Variants in DPEP2 observed in about 807,000 individuals in gnomAD.
The protein encoded by DPEP2 is dipeptidase 2.
A neutral mutation model predicts 51.8 loss-of-function variants in DPEP2; 45 were observed. The ratio of observed to expected loss-of-function variants is 0.87; its 90% confidence interval spans 0.68 to 1.11. DPEP2 has a LOEUF of 1.11. Among genes scored for constraint, DPEP2 ranks in the 50% most tolerant of loss-of-function variants. The probability of loss-of-function intolerance (pLI) is 0.00; values close to 1 mark genes in which losing one functional copy is unlikely to be tolerated. For synonymous variants in DPEP2, 255 were observed against 262.7 expected, an observed-to-expected ratio of 0.97 and a Z score of 0.28; for missense variants, 604 against 631.9, an observed-to-expected ratio of 0.96 and a Z score of 0.47.
chr16:67,987,814 C>G (rs745737723), intron 10 of DPEP2, 38 bp downstream of exon 10: 2 of 1,614,028 alleles, frequency 1.2e-6, no homozygotes, highest in Non-Finnish European at 1.7e-6. Flanking sequence ...TACACTTGCT[C>G]AGACCCCTCG....
intron 1 of DPEP2, among the ~76,000 whole-genome samples, chr16:67,997,769 G>A (rs947767496): frequency 6.6e-6 from 1 of 152,206 alleles, no homozygotes; most frequent in Non-Finnish European, 1.5e-5. Context: ...AGAAGCAGTG[G>A]GAACAGGAAG....
At chr16:67,998,275 G>A (rs2032815850) in intron 1 of DPEP2, among the ~76,000 whole-genome samples, 1 of 150,886 alleles carries the variant, frequency 6.6e-6, no homozygotes, top group South Asian at 2.1e-4. Context: ...TGGAGTTTCG[G>A]GTGGGCGTGG....
At chr16:67,990,508 G>A (rs2031993286) in intron 7 of DPEP2, among the ~76,000 whole-genome samples, 1 of 152,140 alleles carries the variant, frequency 6.6e-6, no homozygotes, top group South Asian at 2.1e-4. Flanking sequence ...CTGTCACCCA[G>A]GCTGGAGTGC....
intron 1 of DPEP2, among the ~76,000 whole-genome samples, chr16:67,997,862 G>C (rs1567455423): frequency 3.9e-5 from 6 of 152,294 alleles, no homozygotes; most frequent in Admixed American, 2.6e-4. Flanking sequence ...ACAGTAAGGA[G>C]GAATCAGCGG....
In DPEP2 at chr16:67,992,570, G is replaced by T. The variant is rs139848572; in HGVS notation, c.330C>A (p.Arg110=). The stretch of plus-strand genomic sequence containing the variant: ...GGCTGGTCTGGCCGTAGCTGAAATT[G>T]CGCAGGTTAACATCCTGTAGCCCTT... ...YQKGLQDVNL[R]NFSYGQTSLD... Residue 110 remains arginine, a synonymous_variant, in exon 3 of 11, where the codon CGC becomes CGA. Transcript: ENST00000393847. 1 of 1,614,176 alleles carries T rather than the reference G, an allele frequency of 6.2e-7. No homozygotes were observed.
chr16:67,990,282 G>A lies in DPEP2; in HGVS notation c.910-151C>T, dbSNP rs2031966851. 5.8e-6 allele frequency: 4 copies of A among 686,890 alleles called. No homozygotes were observed. The East Asian group carries it at 8.1e-5, about 14-fold the overall frequency. 42.5% of individuals were successfully genotyped at this position (686,890 alleles called of 1,614,324 possible). A position where few individuals can be genotyped will look rare whatever the true frequency, so the allele number is the denominator to read the frequency against. On this transcript the variant is annotated intron_variant, in intron 7 of 10. Coordinates refer to ENST00000393847, the MANE Select transcript of DPEP2 (RefSeq NM_022355.4). ...TCTCTGGTTTTGTATGAAGGGAGGA[G>A]TCTAGGCCCTGGTCTGGCATAGGTG...
Position 67,989,410 on chromosome 16 carries a change from GAAGGT to G in DPEP2, c.995-17_995-13del. 6.2e-7 allele frequency: 1 copy of G among 1,614,162 alleles called. No homozygotes were observed. On this transcript the variant is annotated splice_polypyrimidine_tract_variant and intron_variant, in intron 8 of 10. Coordinates refer to ENST00000393847, the MANE Select transcript of DPEP2 (RefSeq NM_022355.4). ...GTGGTCGAAGTGATCTGGGGAGGGG[GAAGGT>G]GGACAGTCAGCTGCGTAGGGCTTCC...
chr16:67,999,657 C>T (rs1227781527), upstream of DPEP2: 8 of 211,912 alleles, frequency 3.8e-5, no homozygotes, highest in Non-Finnish European at 6.5e-5. Context: ...CATGGTGGCT[C>T]ATGCCTGTAA....
chr16:67,990,429 G>T (rs1470235731), intron 7 of DPEP2, among the ~76,000 whole-genome samples: 1 of 152,130 alleles, frequency 6.6e-6, no homozygotes, highest in Non-Finnish European at 1.5e-5. Flanking sequence ...TGGAAGAAGT[G>T]GAGGGAGCAG....
intron 1 of DPEP2, chr16:67,994,639 G>A (rs1435514148): frequency 1.0e-6 from 1 of 984,050 alleles, no homozygotes; most frequent in South Asian, 4.7e-5. Context: ...CACGTGGCAG[G>A]GCTGATCAGT....
At position 67,989,386 on chromosome 16, in the gene DPEP2, T is replaced by C. The variant is rs573249608; in HGVS notation, c.1007A>G (p.His336Arg). The C allele has an allele frequency of 4.3e-6, 7 of 1,614,122 alleles. No homozygotes were observed. The African/African-American group carries it at 9.3e-5, about 22-fold the overall frequency. Reference protein sequence around the residue: ...NVSTVADHFDHIKAVIGSKFI... With the variant: ...NVSTVADHFDRIKAVIGSKFI... ...CTTGGATCCAATGACAGCCTTGATG[T>C]GGTCGAAGTGATCTGGGGAGGGGGA... Residue 336 changes from histidine to arginine, a missense_variant, in exon 9 of 11, where the codon CAC becomes CGC. Physicochemically the swap from His to Arg is conservative, Grantham distance 29 (BLOSUM62 0). Transcript: ENST00000393847.
chr16:67,991,556 T>C lies in DPEP2; in HGVS notation c.662+282A>G. On this transcript the variant is annotated intron_variant, in intron 5 of 10. Transcript: ENST00000393847. The surrounding 1 kb of genome is among the most constrained non-coding windows in gnomAD (Gnocchi z 5.1). ...CCACACCTGGCTAATTTTTGTGTTT[T>C]TCTTCAAGATAGGGTTTCACCATCT... is the stretch of plus-strand genomic sequence containing the variant. The C allele has an allele frequency of 1.9e-6, 1 of 515,142 alleles. No homozygotes were observed. 31.9% of individuals were successfully genotyped at this position (515,142 alleles called of 1,614,324 possible). A position where few individuals can be genotyped will look rare whatever the true frequency, so the allele number is the denominator to read the frequency against.
intron 1 of DPEP2, among the ~76,000 whole-genome samples, chr16:67,995,825 T>G (rs2032656420): frequency 6.6e-6 from 1 of 151,840 alleles, no homozygotes; most frequent in Admixed American, 6.6e-5. Flanking sequence ...TTAGCCGGGC[T>G]TGGTGGTGCG....
chr16:67,992,213 T>C lies in DPEP2; in HGVS notation c.391-20A>G. Reference sequence around the variant, plus strand: ...CCAGAACTGGGGGGAAGGCCAGGGTTTGGCTTGGATGGGGGCTGCTTTGGA... The same window carrying C: ...CCAGAACTGGGGGGAAGGCCAGGGTCTGGCTTGGATGGGGGCTGCTTTGGA... On this transcript the variant is annotated intron_variant, in intron 3 of 10. Transcript: ENST00000393847. 6.2e-7 allele frequency: 1 copy of C among 1,612,532 alleles called. No homozygotes were observed. Among genetic ancestry groups the C allele is most frequent in the East Asian group, 2.2e-5 (1 of 44,866 alleles).
intron 3 of DPEP2, 134 bp from the exon 4 acceptor site, chr16:67,992,327 T>C (rs778546843): frequency 1.6e-4 from 232 of 1,431,732 alleles, no homozygotes; most frequent in Non-Finnish European, 1.6e-4. Flanking sequence ...TTCCACAGGG[T>C]CTTCCTGGCC....
In DPEP2 at chr16:67,991,751, G is replaced by T; in HGVS notation, c.662+87C>A. 1 of 1,546,276 alleles carries T rather than the reference G, an allele frequency of 6.5e-7. No homozygotes were observed. Reference sequence around the variant, plus strand: ...CTCCAGAGTCAGTGCCACATCCCATGGGTAAAGCTTGTTCTGGGCCCACAG... The same window carrying T: ...CTCCAGAGTCAGTGCCACATCCCATTGGTAAAGCTTGTTCTGGGCCCACAG... On this transcript the variant is annotated intron_variant, in intron 5 of 10. Coordinates refer to ENST00000393847, the MANE Select transcript of DPEP2 (RefSeq NM_022355.4). The surrounding 1 kb of genome is among the most constrained non-coding windows in gnomAD (Gnocchi z 5.1).
intron 1 of DPEP2, among the ~76,000 whole-genome samples, chr16:67,998,081 G>C (rs923295514): frequency 6.6e-6 from 1 of 152,024 alleles, no homozygotes; most frequent in African/African-American, 2.4e-5. Flanking sequence ...GCTCGCTCTC[G>C]GGGCCTCCTC....
intron 3 of DPEP2, 73 bp downstream of exon 3, chr16:67,992,437 A>T: frequency 6.5e-7 from 1 of 1,544,268 alleles, no homozygotes; most frequent in South Asian, 1.2e-5. Flanking sequence ...CTAACTTGTG[A>T]TCTCTGGGGT....
At position 67,990,038 on chromosome 16, in the gene DPEP2, G is replaced by A. The variant is rs367913444; in HGVS notation, c.994+9C>T. 1.4e-5 allele frequency: 23 copies of A among 1,613,864 alleles called. No individual in the cohort carries two copies. The African/African-American group carries it at 3.1e-4, about 22-fold the overall frequency. The stretch of plus-strand genomic sequence containing the variant: ...AGAACTGTTCAGAGAGCCCGGGAGA[G>A]GGAGTTACCTGCCACAGTGGACACA... On this transcript the variant is annotated intron_variant, in intron 8 of 10. Transcript: ENST00000393847.
Sources: gnomAD v4.1 joint callset for allele counts (sites outside exome capture counted in the v4.1 genomes callset) on GRCh38, gnomAD v4.1.1 for gene constraint, Gnocchi (gnomAD v3.1) non-coding constraint, MANE v1.5 for transcripts, NCBI Gene and HGNC (gene_info 2026-07-23, HGNC 2026-07-21) for gene names.